Variants in UGGT1 observed in about 807,000 individuals in gnomAD.
UGGT1 encodes UDP-glucose glycoprotein glucosyltransferase 1.
A neutral mutation model predicts 203.9 loss-of-function variants in UGGT1; 107 were observed. The ratio of observed to expected loss-of-function variants is 0.52; its 90% CI spans 0.45 to 0.62. The LOEUF (loss-of-function observed/expected upper bound fraction) is 0.62. Among genes scored for constraint, UGGT1 ranks in the 20% least tolerant of loss-of-function variants. UGGT1 has a pLI of 0.00. For missense variants in UGGT1, 1,673 were observed against 1,867.2 expected (o/e 0.90, Z 1.92); for synonymous variants, 628 against 653.5 (o/e 0.96, Z 0.59).
chr2:128,113,111 T>A lies in UGGT1; in HGVS notation c.549T>A (p.Asp183Glu). ...CCAAACCTTTATTGTTCAAAGGAGA[T>A]CACAGATATCCCTCGTCTAATCCTG... ...ERPKPLLFKG[D>E]HRYPSSNPES... The change falls in exon 6 of 41, where the codon GAT becomes GAA. Residue 183 changes from aspartate (D) to glutamate (E), a missense_variant. Asp to Glu is a conservative substitution (Grantham distance 45). Transcript: ENST00000259253. 6.2e-7 allele frequency: 1 copy of A among 1,602,048 alleles called. No individual in the cohort carries two copies. Among genetic ancestry groups the A allele is most frequent in the Non-Finnish European group, 8.5e-7 (1 of 1,173,698 alleles).
At chr2:128,180,307 A>G (rs1042381398) in intron 35 of UGGT1, among the ~76,000 whole-genome samples, 1 of 152,350 alleles carries the variant, frequency 6.6e-6, no homozygotes, top group East Asian at 1.9e-4. Context: ...TACTTATATC[A>G]GTCAGTATTT....
At chr2:128,173,336 G>T (rs920553106) in intron 29 of UGGT1, among the ~76,000 whole-genome samples, 2 of 152,182 alleles carry the variant, frequency 1.3e-5, no homozygotes, top group African/African-American at 4.8e-5. Context: ...TGCTATGAAT[G>T]TTGTGTGCAA....
chr2:128,176,923 TTCTGTTATTG>T, intron 32 of UGGT1, 25 bp downstream of exon 32: 1 of 1,596,016 alleles, frequency 6.3e-7, no homozygotes, highest in Non-Finnish European at 8.6e-7. Context: ...AGTAGTGGCA[TTCTGTTATTG>T]GACAGCTGTC....
chr2:128,157,417 G>C, intron 22 of UGGT1, 71 bp downstream of exon 22: 1 of 1,297,806 alleles, frequency 7.7e-7, no homozygotes, highest in Non-Finnish European at 1.1e-6. Context: ...TCGCTGTGCG[G>C]CTAGGATTGT....
Position 128,138,943 on chromosome 2 carries a change from G to A in UGGT1, c.1719+91G>A, listed in dbSNP as rs573553057. The A allele has an allele frequency of 3.9e-5, 59 of 1,531,856 alleles. No homozygotes were observed. The South Asian group carries it at 5.5e-4, about 14-fold the overall frequency. The allele number at this position is 1,531,856 out of a possible 1,614,324, so 94.9% of individuals were successfully genotyped here. A position where few individuals can be genotyped will look rare whatever the true frequency, so the allele number is the denominator to read the frequency against. ...GGTCATTGTATGCTAGGCAGCTGGG[G>A]TGTATAGAGCTCAGGGGTGGGTCCT... is the stretch of plus-strand genomic sequence containing the variant. On this transcript the variant is annotated intron_variant, in intron 16 of 40. Transcript: ENST00000259253.
intron 6 of UGGT1, among the ~76,000 whole-genome samples, chr2:128,114,482 C>T (rs1378067949): frequency 3.3e-5 from 5 of 152,106 alleles, no homozygotes; most frequent in African/African-American, 1.2e-4. Flanking sequence ...TTTGATTCTC[C>T]CTCTGCCCCC....
chr2:128,100,056 G>A lies in UGGT1; in HGVS notation c.194+2492G>A, dbSNP rs1173150623. ...CCCTACTTATTTTTTTTGAGACAGAGTTTCATTTTGTCACCCAGACTGGAG... is the reference window on the plus strand; with the variant it reads ...CCCTACTTATTTTTTTTGAGACAGAATTTCATTTTGTCACCCAGACTGGAG... On this transcript the variant is annotated intron_variant, in intron 2 of 40. Coordinates refer to ENST00000259253, the MANE Select transcript of UGGT1 (RefSeq NM_020120.4). Among the ~76,000 whole-genome samples the A allele has an allele frequency of 2.7e-5, 3 of 110,616 alleles. No individual in the cohort carries two copies. In the East Asian group the frequency reaches 8.0e-4, roughly 30 times the overall value. The allele number at this position is 110,616 out of a possible 152,430, so 72.6% of individuals were successfully genotyped here.
rs923618890 is a variant in UGGT1, at chr2:128,128,123, C to T, written c.1226+671C>T. On this transcript the variant is annotated intron_variant, in intron 12 of 40. Transcript: ENST00000259253. ...TGTCTCTTGTGTCTCAGAAGGTGTT[C>T]TGTCTACATATATTATTTGAATATC... 2.0e-5 allele frequency among the ~76,000 whole-genome samples: 3 copies of T among 151,968 alleles called. 1 individual carries two copies. Among genetic ancestry groups the T allele is most frequent in the Admixed American group, 2.0e-4 (3 of 15,242 alleles).
chr2:128,164,054 C>T (rs1690660396), intron 25 of UGGT1, among the ~76,000 whole-genome samples: 1 of 152,076 alleles, frequency 6.6e-6, no homozygotes, highest in Non-Finnish European at 1.5e-5. Flanking sequence ...TGCTGCATGC[C>T]TGTAGTCCCA....
At chr2:128,180,742 A>G (rs1691653594) in intron 35 of UGGT1, 148 bp from the exon 36 acceptor site, 1 of 710,796 alleles carries the variant, frequency 1.4e-6, no homozygotes, top group Non-Finnish European at 2.3e-6. Flanking sequence ...CTATGTAGTC[A>G]TGAGTGGGTC....
rs553371262 is a variant in UGGT1 at position 128,115,248 on chromosome 2, G to A, written c.793+28G>A. ...GAATTTGTAAAAATGGGACCAGTGT[G>A]CTTTCTTCAAATATGAGTTAAAGGG... is the stretch of plus-strand genomic sequence containing the variant. On this transcript the variant is annotated intron_variant, in intron 7 of 40. Coordinates refer to ENST00000259253, the MANE Select transcript of UGGT1 (RefSeq NM_020120.4). The A allele has an allele frequency of 1.2e-5, 19 of 1,589,994 alleles. No individual in the cohort carries two copies. The South Asian group carries it at 1.8e-4, about 15-fold the overall frequency.
Position 128,168,882 on chromosome 2 carries a change from A to G in UGGT1, c.2922-1406A>G, listed in dbSNP as rs141648397. On this transcript the variant is annotated intron_variant, in intron 26 of 40. Coordinates refer to ENST00000259253, the MANE Select transcript of UGGT1 (RefSeq NM_020120.4). ...GCCAACATGGCAAAACACCGTCTCT[A>G]CTAACAATACACAAATTAGCTGGGC... Among the ~76,000 whole-genome samples, 59 of 151,504 alleles carry G rather than the reference A, an allele frequency of 3.9e-4. No individual in the cohort carries two copies. In the East Asian group the frequency reaches 0.011, roughly 28 times the overall value.
intron 17 of UGGT1, among the ~76,000 whole-genome samples, chr2:128,144,619 G>A (rs1315975494): frequency 1.3e-5 from 2 of 152,198 alleles, no homozygotes; most frequent in African/African-American, 4.8e-5. Context: ...AAGAGTTTTA[G>A]GAGTGTATAT....
chr2:128,146,252 A>G (rs1346349337), intron 18 of UGGT1, among the ~76,000 whole-genome samples: 4 of 152,140 alleles, frequency 2.6e-5, no homozygotes, highest in Non-Finnish European at 5.9e-5. Flanking sequence ...TTAAGGTTGC[A>G]GTGAGCTGTG....
In UGGT1 at chr2:128,138,863, G is replaced by A; in HGVS notation, c.1719+11G>A. 1 of 1,610,984 alleles carries A rather than the reference G, an allele frequency of 6.2e-7. No homozygotes were observed. The highest frequency in any genetic ancestry group is 1.1e-5 in the South Asian group (1 of 90,160). On this transcript the variant is annotated intron_variant, in intron 16 of 40. Coordinates refer to ENST00000259253, the MANE Select transcript of UGGT1 (RefSeq NM_020120.4). ...CAGACTCTGACACATGTACGTTTTT[G>A]TTCAGAATGGCAAATAATTTTTTCA...
chr2:128,186,155 G>A (rs1227688625), intron 38 of UGGT1, among the ~76,000 whole-genome samples: 1 of 152,150 alleles, frequency 6.6e-6, no homozygotes, highest in Admixed American at 6.5e-5. Context: ...CTTTTCAGTT[G>A]CTTATTATGG....
intron 17 of UGGT1, among the ~76,000 whole-genome samples, chr2:128,143,649 T>C (rs148496699): frequency 7.4e-4 from 112 of 152,326 alleles, no homozygotes; most frequent in Middle Eastern, 3.4e-3. Flanking sequence ...TCACACACCA[T>C]GCTCCTTAGT....
intron 32 of UGGT1, 151 bp downstream of exon 32, chr2:128,177,049 T>C (rs974430938): frequency 4.2e-5 from 28 of 665,488 alleles, no homozygotes; most frequent in Non-Finnish European, 6.5e-5. Flanking sequence ...AACTGTGAGT[T>C]TGTGGCTTCC....
intron 35 of UGGT1, among the ~76,000 whole-genome samples, chr2:128,180,531 C>T (rs1691638908): frequency 6.6e-6 from 1 of 152,176 alleles, no homozygotes; most frequent in East Asian, 1.9e-4. Context: ...TAGATCTGGC[C>T]TCGAGGAAGG....
Sources: allele counts gnomAD v4.1 joint callset (sites outside exome capture counted in the v4.1 genomes callset), GRCh38; gene constraint gnomAD v4.1.1; transcripts MANE v1.5; gene names NCBI Gene and HGNC (gene_info 2026-07-23, HGNC 2026-07-21).